The following FRAS1 variants were observed in gnomAD, a reference collection of about 807,000 sequenced individuals.
FRAS1 encodes the protein extracellular matrix organizing protein FRAS1.
FRAS1 carries 290 observed loss-of-function variants against 435.2 expected under a neutral mutation model. The observed-to-expected ratio is 0.67, with a 90% confidence interval of 0.61 to 0.73. The LOEUF (loss-of-function observed/expected upper bound fraction) is 0.73. Ranked by LOEUF, FRAS1 falls within the 30% of genes least tolerant of loss-of-function variation. The probability of loss-of-function intolerance (pLI) is 0.00; values close to 1 mark genes in which losing one functional copy is unlikely to be tolerated. For missense variants in FRAS1, 4,860 were observed against 5,001.5 expected (o/e 0.97, Z 0.85); for synonymous variants, 1,800 against 1,851.0 (o/e 0.97, Z 0.71).
intron 2 of FRAS1, among the ~76,000 whole-genome samples, chr4:78,143,964 A>G (rs555001495): frequency 6.6e-6 from 1 of 151,836 alleles, no homozygotes; most frequent in East Asian, 1.9e-4. Flanking sequence ...CTGAGAAATT[A>G]AGCTAGAAAT....
intron 2 of FRAS1, among the ~76,000 whole-genome samples, chr4:78,236,235 T>C (rs1304473687): frequency 6.6e-6 from 1 of 152,176 alleles, no homozygotes; most frequent in Non-Finnish European, 1.5e-5. Context: ...GATCAGATTA[T>C]GGGGTCTGCA....
intron 18 of FRAS1, among the ~76,000 whole-genome samples, chr4:78,326,401 C>T (rs1239384541): frequency 6.6e-6 from 1 of 152,114 alleles, no homozygotes; most frequent in African/African-American, 2.4e-5. Context: ...AAAGGTGGAG[C>T]TACCAAGTGA....
At chr4:78,278,806 G>A (rs1727186144) in intron 10 of FRAS1, 62 bp downstream of exon 10, 1 of 956,504 alleles carries the variant, frequency 1.0e-6, no homozygotes, top group Non-Finnish European at 1.7e-6. Flanking sequence ...TCTAATGAGG[G>A]AACATTACCT....
intron 37 of FRAS1, 50 bp downstream of exon 37, chr4:78,430,467 T>G (rs1200232369): frequency 6.3e-7 from 1 of 1,579,004 alleles, no homozygotes; most frequent in Non-Finnish European, 8.6e-7. Context: ...GAGGATTTTT[T>G]GCTCTACAAT....
intron 63 of FRAS1, among the ~76,000 whole-genome samples, chr4:78,509,516 C>T (rs143239661): frequency 0.017 from 2,512 of 152,146 alleles, 59 homozygotes; most frequent in Admixed American, 0.071. Flanking sequence ...GCCAGGACAT[C>T]GATGGCACAT....
chr4:78,326,318 C>A (rs1258034032), intron 18 of FRAS1, among the ~76,000 whole-genome samples: 4 of 152,036 alleles, frequency 2.6e-5, no homozygotes, highest in Non-Finnish European at 2.9e-5. Context: ...ATCAACAGAG[C>A]TTAAATGGGT....
chr4:78,088,774 A>G (rs1203493733), intron 2 of FRAS1, among the ~76,000 whole-genome samples: 1 of 152,184 alleles, frequency 6.6e-6, no homozygotes, highest in Admixed American at 6.5e-5. Context: ...AAAAGTTAGG[A>G]AACCACAGGT....
intron 70 of FRAS1, among the ~76,000 whole-genome samples, chr4:78,533,754 T>G (rs1276575980): frequency 6.6e-6 from 1 of 152,208 alleles, no homozygotes; most frequent in Non-Finnish European, 1.5e-5. Context: ...CTGACAGCCA[T>G]GTAGAGCTAC....
rs1428378902 is a variant in FRAS1, at chr4:78,489,044, A to C, written c.8922A>C (p.Ala2974=). The C allele has an allele frequency of 1.9e-6, 3 of 1,613,458 alleles. No individual in the cohort carries two copies. The highest frequency in any genetic ancestry group is 2.5e-6 in the Non-Finnish European group (3 of 1,179,698). Residue 2974 remains alanine, a synonymous_variant, in exon 59 of 74, where the codon GCA becomes GCC. Transcript: ENST00000512123. ...VMEDFEERQN[A]DSSRITFLKG... is the part of the protein sequence containing the mutation. ...AGGACTTTGAGGAGAGACAAAATGC[A>C]GACTCTTCACGGATTACATTTCTCA...
chr4:78,287,553 G>A (rs891912841), intron 14 of FRAS1, among the ~76,000 whole-genome samples: 2 of 152,156 alleles, frequency 1.3e-5, no homozygotes, highest in African/African-American at 2.4e-5. Flanking sequence ...AACATAACGG[G>A]GGGTCAGTGA....
intron 2 of FRAS1, among the ~76,000 whole-genome samples, chr4:78,234,995 T>C (rs1319830238): frequency 2.6e-5 from 4 of 152,252 alleles, no homozygotes; most frequent in African/African-American, 4.8e-5. Flanking sequence ...ATGCGATCAT[T>C]GCGACTGGCA....
At chr4:78,082,509 A>C (rs1740942463) in intron 2 of FRAS1, among the ~76,000 whole-genome samples, 1 of 152,128 alleles carries the variant, frequency 6.6e-6, no homozygotes, top group South Asian at 2.1e-4. Flanking sequence ...AAATGTTAGA[A>C]AGTACAGTTT....
intron 2 of FRAS1, among the ~76,000 whole-genome samples, chr4:78,138,460 A>G (rs1720020011): frequency 6.6e-6 from 1 of 152,224 alleles, no homozygotes; most frequent in Non-Finnish European, 1.5e-5. Context: ...ACTTTCATCC[A>G]GGATATGTGT....
chr4:78,178,158 T>G (rs545658665), intron 2 of FRAS1, among the ~76,000 whole-genome samples: 1 of 152,322 alleles, frequency 6.6e-6, no homozygotes, highest in South Asian at 2.1e-4. Context: ...TTCTTGTGGC[T>G]GTTTTTCTTT....
intron 61 of FRAS1, among the ~76,000 whole-genome samples, chr4:78,500,776 GA>G (rs1423821416): frequency 2.6e-5 from 4 of 152,102 alleles, no homozygotes; most frequent in Non-Finnish European, 5.9e-5. Flanking sequence ...ATGTTTGCTG[GA>G]AAGCTAGATG....
At chr4:78,358,517 G>A (rs982318114) in intron 20 of FRAS1, among the ~76,000 whole-genome samples, 5 of 150,766 alleles carry the variant, frequency 3.3e-5, no homozygotes, top group Non-Finnish European at 5.9e-5. Context: ...TAACCTTTCA[G>A]AGTCTCAGTT....
At chr4:78,174,537 T>G (rs149398211) in intron 2 of FRAS1, among the ~76,000 whole-genome samples, 1 of 152,124 alleles carries the variant, frequency 6.6e-6, no homozygotes, top group Non-Finnish European at 1.5e-5. Context: ...ATATAACCAG[T>G]ATGGAAGGGA....
In FRAS1 at chr4:78,483,666, ATCT is replaced by A. The variant is rs1396269248; in HGVS notation, c.8752+1136_8752+1138del. Reference sequence around the variant, plus strand: ...AAAAAGCGTATACTATGAAAATTAAATCTTCTTTCTACCCCTATCTCCCAGTCT... The same window carrying A: ...AAAAAGCGTATACTATGAAAATTAAATCTTTCTACCCCTATCTCCCAGTCT... On this transcript the variant is annotated intron_variant, in intron 58 of 73. Coordinates refer to ENST00000512123, the MANE Select transcript of FRAS1 (RefSeq NM_025074.7). Among the ~76,000 whole-genome samples, 9 of 151,336 alleles carry A rather than the reference ATCT, an allele frequency of 5.9e-5. No individual in the cohort carries two copies. In the East Asian group the frequency reaches 1.4e-3, roughly 23 times the overall value.
intron 6 of FRAS1, among the ~76,000 whole-genome samples, chr4:78,261,445 T>C (rs12501713): frequency 6.6e-6 from 1 of 152,144 alleles, no homozygotes; most frequent in Admixed American, 6.6e-5. Context: ...TCTTGGCATA[T>C]TGAATATTTT....
Sources: allele counts gnomAD v4.1 joint callset (sites outside exome capture counted in the v4.1 genomes callset), GRCh38; gene constraint gnomAD v4.1.1; transcripts MANE v1.5; gene names NCBI Gene and HGNC (gene_info 2026-07-23, HGNC 2026-07-21).